The following ACVR1 variants were observed in gnomAD, a reference collection of about 807,000 sequenced individuals.
The protein encoded by ACVR1 is activin A receptor type 1.
In ACVR1, 38 loss-of-function variants were observed where a neutral mutation model predicts 57.1. That is an observed-to-expected ratio of 0.67 (90% CI 0.51 to 0.87). The LOEUF is 0.87. Ranked by LOEUF, ACVR1 falls within the 40% of genes least tolerant of loss-of-function variation. The probability of loss-of-function intolerance (pLI) is 0.00; values close to 1 mark genes in which losing one functional copy is unlikely to be tolerated. For synonymous variants in ACVR1, 212 were observed against 228.1 expected, an observed-to-expected ratio of 0.93 and a Z score of 0.63; for missense variants, 463 against 638.2, an observed-to-expected ratio of 0.73 and a Z score of 2.96.
intron 9 of ACVR1, among the ~76,000 whole-genome samples, chr2:157,752,625 A>G (rs1685248763): frequency 6.6e-6 from 1 of 152,216 alleles, no homozygotes. Context: ...GCTAGAAGGG[A>G]TTGGGGCCCT....
chr2:157,820,397 T>C (rs1688119828), intron 1 of ACVR1, among the ~76,000 whole-genome samples: 1 of 152,210 alleles, frequency 6.6e-6, no homozygotes, highest in Non-Finnish European at 1.5e-5. Flanking sequence ...TGCTTTCCCC[T>C]CTGCCAAAGT....
chr2:157,798,611 T>A (rs979823097), intron 3 of ACVR1, among the ~76,000 whole-genome samples: 2 of 151,934 alleles, frequency 1.3e-5, no homozygotes, highest in African/African-American at 4.8e-5. Context: ...CACTGCAACC[T>A]CCGCCTCCCA....
At chr2:157,755,324 G>A (rs544904218) in intron 9 of ACVR1, among the ~76,000 whole-genome samples, 4 of 151,982 alleles carry the variant, frequency 2.6e-5, no homozygotes, top group African/African-American at 7.2e-5. Context: ...TCTAACTGTC[G>A]CTGTTTGCTG....
intron 1 of ACVR1, among the ~76,000 whole-genome samples, chr2:157,854,389 G>A (rs556257637): frequency 6.6e-6 from 1 of 152,274 alleles, no homozygotes; most frequent in Admixed American, 6.5e-5. Context: ...GGAAGACAAT[G>A]ACAGTGTTCT....
chr2:157,859,868 G>A (rs1171296793), intron 1 of ACVR1, among the ~76,000 whole-genome samples: 1 of 151,986 alleles, frequency 6.6e-6, no homozygotes, highest in South Asian at 2.1e-4. Context: ...TCTTTTTAAT[G>A]GTCGTTTTTT....
chr2:157,764,394 G>T (rs201121428), intron 8 of ACVR1, among the ~76,000 whole-genome samples: 1 of 146,100 alleles, frequency 6.8e-6, no homozygotes. Flanking sequence ...TTTTAGTAGA[G>T]ATGGGGTTTC....
intron 9 of ACVR1, among the ~76,000 whole-genome samples, chr2:157,756,298 C>T (rs1018272783): frequency 2.6e-5 from 4 of 151,670 alleles, no homozygotes; most frequent in Non-Finnish European, 4.4e-5. Flanking sequence ...GCAATAAAAG[C>T]GAAGATAAAT....
chr2:157,819,721 T>C (rs1688092371), intron 1 of ACVR1, among the ~76,000 whole-genome samples: 1 of 148,796 alleles, frequency 6.7e-6, no homozygotes. Context: ...GGGGAAGGAG[T>C]ACAAAGCGGA....
chr2:157,760,838 G>T (rs368553363), intron 9 of ACVR1, 42 bp downstream of exon 9: 1 of 1,589,954 alleles, frequency 6.3e-7, no homozygotes, highest in Non-Finnish European at 8.6e-7. Context: ...TGGATCAAGA[G>T]AACTTGGATT....
Position 157,743,009 on chromosome 2 carries a change from C to G in ACVR1, c.1265-4439G>C, listed in dbSNP as rs375616494. Among the ~76,000 whole-genome samples, 6 of 152,104 alleles carry G rather than the reference C, an allele frequency of 3.9e-5. No homozygotes were observed. The East Asian group carries it at 9.6e-4, about 24-fold the overall frequency. On this transcript the variant is annotated intron_variant, in intron 9 of 10. Transcript: ENST00000434821. Reference sequence around the variant, plus strand: ...TGCCGTCCATGGGAGCCCACTCCCTCCCCACCAAAGTCCATTCCCCACCAC... The same window carrying G: ...TGCCGTCCATGGGAGCCCACTCCCTGCCCACCAAAGTCCATTCCCCACCAC...
chr2:157,782,398 G>C (rs1686555140), intron 3 of ACVR1, among the ~76,000 whole-genome samples: 1 of 152,166 alleles, frequency 6.6e-6, no homozygotes, highest in Non-Finnish European at 1.5e-5. Flanking sequence ...TCACCCCTGA[G>C]AATCAAGAGC....
intron 3 of ACVR1, among the ~76,000 whole-genome samples, chr2:157,794,349 T>C (rs1446650247): frequency 2.0e-5 from 3 of 152,034 alleles, no homozygotes; most frequent in African/African-American, 7.2e-5. Context: ...ACATGAAAAA[T>C]GATTACTGGT....
At chr2:157,739,404 A>G (rs2105218210) in intron 9 of ACVR1, among the ~76,000 whole-genome samples, 1 of 152,344 alleles carries the variant, frequency 6.6e-6, no homozygotes, top group African/African-American at 2.4e-5. Flanking sequence ...TTTCCAGCAG[A>G]ATTATATCAA....
At chr2:157,815,859 A>G (rs867104287) in intron 2 of ACVR1, among the ~76,000 whole-genome samples, 1 of 152,158 alleles carries the variant, frequency 6.6e-6, no homozygotes, top group Non-Finnish European at 1.5e-5. Context: ...AAAAACATAC[A>G]TCCTTAGTGA....
intron 6 of ACVR1, among the ~76,000 whole-genome samples, chr2:157,771,485 C>T (rs1162073629): frequency 6.6e-6 from 1 of 152,144 alleles, no homozygotes; most frequent in African/African-American, 2.4e-5. Context: ...TGAGGATCAA[C>T]AAGGGGTATA....
chr2:157,783,725 C>A (rs1228670698), intron 3 of ACVR1, among the ~76,000 whole-genome samples: 2 of 152,194 alleles, frequency 1.3e-5, no homozygotes, highest in Non-Finnish European at 2.9e-5. Context: ...AGTCTAACAG[C>A]TAACAGGGAA....
chr2:157,852,524 GA>G (rs1477597070), intron 1 of ACVR1, among the ~76,000 whole-genome samples: 1 of 147,252 alleles, frequency 6.8e-6, no homozygotes, highest in African/African-American at 2.5e-5. Flanking sequence ...AAAAAAAAAA[GA>G]GCAAGACCTT....
rs1358825640 is a variant in ACVR1 at position 157,770,399 on chromosome 2, G to A, written c.759C>T (p.Asn253=). The part of the protein sequence containing the change: ...KSWFRETELY[N]TVMLRHENIL... The stretch of plus-strand genomic sequence containing the variant: ...TATTTTCATGCCTCAGCATCACAGT[G>A]TTGTACAATTCCGTTTCCCTGAACC... Residue 253 remains asparagine (N), a synonymous_variant, in exon 7 of 11, where the codon AAC becomes AAT. Coordinates refer to ENST00000434821, the MANE Select transcript of ACVR1 (RefSeq NM_001111067.4). The A allele has an allele frequency of 2.5e-6, 4 of 1,614,108 alleles. No homozygotes were observed. The South Asian group carries it at 3.3e-5, about 13-fold the overall frequency.
intron 7 of ACVR1, 149 bp downstream of exon 7, chr2:157,770,219 G>A (rs1686021036): frequency 2.4e-6 from 2 of 821,046 alleles, no homozygotes; most frequent in Non-Finnish European, 3.9e-6. Context: ...TGGTGTTTGA[G>A]AAAATTAAAC....
Sources: allele counts gnomAD v4.1 joint callset (sites outside exome capture counted in the v4.1 genomes callset), GRCh38; gene constraint gnomAD v4.1.1; transcripts MANE v1.5; gene names NCBI Gene and HGNC (gene_info 2026-07-23, HGNC 2026-07-21).